PRKAR2A: variants seen among roughly 807,000 people sequenced by gnomAD.
PRKAR2A encodes the protein cAMP-dependent protein kinase type II-alpha regulatory subunit.
A neutral mutation model predicts 51.9 loss-of-function variants in PRKAR2A; 29 were observed. The observed-to-expected ratio is 0.56, with a 90% CI of 0.42 to 0.76. PRKAR2A has a LOEUF of 0.76. Ranked by LOEUF, PRKAR2A falls within the 30% of genes least tolerant of loss-of-function variation. The pLI is 0.00. For synonymous variants in PRKAR2A, 178 were observed against 186.2 expected (o/e 0.96, Z 0.36); for missense variants, 445 against 512.1 (o/e 0.87, Z 1.26).
At chr3:48,745,369 C>A (rs1199573928), downstream of PRKAR2A, among the ~76,000 whole-genome samples, 1 of 152,022 alleles carries the variant, frequency 6.6e-6, no homozygotes, top group African/African-American at 2.4e-5. Flanking sequence ...GTCTTCCTGG[C>A]AAGGGATATA....
chr3:48,813,433 C>G (rs536594850), intron 1 of PRKAR2A, among the ~76,000 whole-genome samples: 1 of 151,856 alleles, frequency 6.6e-6, no homozygotes, highest in African/African-American at 2.4e-5. Flanking sequence ...TGGTGGCTCA[C>G]GCCTGTAATC....
chr3:48,776,796 G>A (rs1262734681), intron 5 of PRKAR2A, among the ~76,000 whole-genome samples: 1 of 152,050 alleles, frequency 6.6e-6, no homozygotes, highest in African/African-American at 2.4e-5. Context: ...AGCCAAGATC[G>A]CACCATTGCA....
chr3:48,803,616 G>C (rs1251255924), intron 2 of PRKAR2A, among the ~76,000 whole-genome samples: 2 of 152,106 alleles, frequency 1.3e-5, no homozygotes, highest in African/African-American at 4.8e-5. Flanking sequence ...AGTAAAGACA[G>C]GGTTTCACCA....
chr3:48,800,708 T>C (rs1361888686), intron 2 of PRKAR2A, among the ~76,000 whole-genome samples: 1 of 151,806 alleles, frequency 6.6e-6, no homozygotes, highest in Non-Finnish European at 1.5e-5. Context: ...TCTTGCTCTG[T>C]CGCGCAGGCT....
chr3:48,746,519 T>G (rs1383490941), downstream of PRKAR2A: 1 of 152,174 alleles, frequency 6.6e-6, no homozygotes, highest in African/African-American at 2.4e-5. Flanking sequence ...AGGAGTGCTA[T>G]GACGGCCTGG....
intron 4 of PRKAR2A, among the ~76,000 whole-genome samples, chr3:48,784,931 T>C (rs755385682): frequency 3.3e-5 from 5 of 152,196 alleles, no homozygotes; most frequent in Admixed American, 1.3e-4. Flanking sequence ...TGAAGACTTA[T>C]TGTATGTGAT....
chr3:48,745,145 G>C (rs1313353073), downstream of PRKAR2A, among the ~76,000 whole-genome samples: 2 of 150,286 alleles, frequency 1.3e-5, no homozygotes, highest in African/African-American at 4.9e-5. Context: ...AAAGTCCTGG[G>C]ATTATAGGCA....
At chr3:48,776,268 T>C (rs1336649030) in intron 5 of PRKAR2A, among the ~76,000 whole-genome samples, 1 of 152,114 alleles carries the variant, frequency 6.6e-6, no homozygotes, top group East Asian at 1.9e-4. Context: ...TGCAAGGTAA[T>C]TAAAGCTTAT....
chr3:48,783,243 A>G (rs2107289672), intron 4 of PRKAR2A, 151 bp from the exon 5 acceptor site: 1 of 619,324 alleles, frequency 1.6e-6, no homozygotes, highest in Non-Finnish European at 2.9e-6. Flanking sequence ...CTTTCCTGGG[A>G]CCATTCAGCT....
At chr3:48,766,567 CA>C (rs547933429) in intron 6 of PRKAR2A, among the ~76,000 whole-genome samples, 3 of 147,072 alleles carry the variant, frequency 2.0e-5, no homozygotes, top group Non-Finnish European at 4.5e-5. Flanking sequence ...AACTGTGTCT[CA>C]AAAAAAAATA....
At chr3:48,802,225 A>AG (rs1444743031) in intron 2 of PRKAR2A, among the ~76,000 whole-genome samples, 1 of 152,056 alleles carries the variant, frequency 6.6e-6, no homozygotes, top group African/African-American at 2.4e-5. Flanking sequence ...TATTTTTAGT[A>AG]GAGACAGGAT....
At chr3:48,783,188 G>A (rs988575001) in intron 4 of PRKAR2A, 96 bp from the exon 5 acceptor site, 2 of 786,740 alleles carry the variant, frequency 2.5e-6, no homozygotes, top group African/African-American at 3.4e-5. Flanking sequence ...TGTAACAGAA[G>A]TCCCCACATT....
intron 1 of PRKAR2A, among the ~76,000 whole-genome samples, chr3:48,816,054 G>A (rs963946747): frequency 6.6e-6 from 1 of 150,966 alleles, no homozygotes; most frequent in Non-Finnish European, 1.5e-5. Flanking sequence ...CTAGAAGCTG[G>A]CTTTATTACT....
At chr3:48,813,975 T>C (rs1427048842) in intron 1 of PRKAR2A, among the ~76,000 whole-genome samples, 1 of 151,974 alleles carries the variant, frequency 6.6e-6, no homozygotes, top group East Asian at 1.9e-4. Context: ...AATACAAAAA[T>C]TAGGGCCAGG....
chr3:48,770,030 C>T (rs889157299), intron 6 of PRKAR2A, among the ~76,000 whole-genome samples: 1 of 152,180 alleles, frequency 6.6e-6, no homozygotes, highest in Non-Finnish European at 1.5e-5. Context: ...CCCACCGTGG[C>T]CTCCCAAAGT....
intron 2 of PRKAR2A, among the ~76,000 whole-genome samples, chr3:48,797,299 AC>A (rs2082512038): frequency 6.6e-6 from 1 of 151,806 alleles, no homozygotes; most frequent in African/African-American, 2.4e-5. Context: ...CTCCTGAGTA[AC>A]TGGGGCTACA....
At chr3:48,839,648 T>G (rs1381101623) in intron 1 of PRKAR2A, among the ~76,000 whole-genome samples, 1 of 152,184 alleles carries the variant, frequency 6.6e-6, no homozygotes, top group East Asian at 1.9e-4. Flanking sequence ...TTTGACTCTT[T>G]CCAATAGGAT....
At chr3:48,802,392 G>T (rs549721925) in intron 2 of PRKAR2A, among the ~76,000 whole-genome samples, 1 of 151,800 alleles carries the variant, frequency 6.6e-6, no homozygotes, top group East Asian at 1.9e-4. Flanking sequence ...AAACAACAAA[G>T]ATAATTTTGG....
chr3:48,786,267 GGTGT>G (rs1170150619), intron 4 of PRKAR2A, among the ~76,000 whole-genome samples: 2 of 150,510 alleles, frequency 1.3e-5, no homozygotes, highest in Non-Finnish European at 3.0e-5. Context: ...TGAGATTACA[GGTGT>G]GTGCCACCAT....
Sources: gnomAD v4.1 joint callset for allele counts (sites outside exome capture counted in the v4.1 genomes callset) on GRCh38, gnomAD v4.1.1 for gene constraint, MANE v1.5 for transcripts, NCBI Gene and HGNC (gene_info 2026-07-23, HGNC 2026-07-21) for gene names.